The following ARL5B variants were observed in gnomAD, a reference collection of about 807,000 sequenced individuals.
The protein encoded by ARL5B is ADP-ribosylation factor-like protein 5B.
A neutral mutation model predicts 26.9 loss-of-function variants in ARL5B; 10 were observed. That is an observed-to-expected ratio of 0.37 (90% CI 0.23 to 0.63). ARL5B has a LOEUF of 0.63. ARL5B is among the 30% of genes least tolerant of loss of function. The pLI is 0.62. For missense variants in ARL5B, 167 were observed against 213.9 expected (o/e 0.78, Z 1.37); for synonymous variants, 87 against 70.4 (o/e 1.24, Z -1.18).
At chr10:18,672,209 T>C (rs549424497) in intron 3 of ARL5B, among the ~76,000 whole-genome samples, 227 of 152,358 alleles carry the variant, frequency 1.5e-3, no homozygotes, top group Middle Eastern at 6.8e-3. Flanking sequence ...GATTGTGGTA[T>C]ACACAAGTAA....
chr10:18,672,115 G>A (rs1169823339), intron 3 of ARL5B, among the ~76,000 whole-genome samples: 1 of 152,008 alleles, frequency 6.6e-6, no homozygotes, highest in East Asian at 1.9e-4. Flanking sequence ...CATTTATGGT[G>A]GATACTGTTT....
intron 1 of ARL5B, among the ~76,000 whole-genome samples, chr10:18,665,170 A>G (rs1163702619): frequency 2.6e-5 from 4 of 152,154 alleles, no homozygotes; most frequent in African/African-American, 9.7e-5. Context: ...ATACTTAAAG[A>G]TTAGCTTCAT....
intron 1 of ARL5B, among the ~76,000 whole-genome samples, chr10:18,663,458 C>T (rs892919427): frequency 1.8e-4 from 28 of 151,978 alleles, no homozygotes; most frequent in African/African-American, 6.8e-4. Flanking sequence ...ACACTGGTTG[C>T]CAATTGCGTA....
At chr10:18,672,779 G>C in intron 4 of ARL5B, 74 bp downstream of exon 4, 1 of 956,964 alleles carries the variant, frequency 1.0e-6, no homozygotes. Context: ...TTTTTGCAAA[G>C]ATTAATGTGA....
chr10:18,675,381 C>T lies in ARL5B; in HGVS notation c.*165C>T. The T allele has an allele frequency of 4.9e-6, 3 of 612,766 alleles. No individual in the cohort carries two copies. The highest frequency in any genetic ancestry group is 1.9e-5 in the African/African-American group (1 of 54,026). 38.0% of individuals were successfully genotyped at this position (612,766 alleles called of 1,614,324 possible). On this transcript the variant is annotated 3_prime_UTR_variant, in exon 6 of 6. Coordinates refer to ENST00000377275, the MANE Select transcript of ARL5B (RefSeq NM_178815.5). ...TGAACTGGAACATAAAAGATTTTTT[C>T]TTAACTTTTTTTTTTTAACACACTA... is the stretch of plus-strand genomic sequence containing the variant.
In ARL5B at chr10:18,679,023, A is replaced by C. The variant is rs562814467; in HGVS notation, c.*3807A>C. 6.6e-6 allele frequency: 1 copy of C among 151,912 alleles called. No individual in the cohort carries two copies. The highest frequency in any genetic ancestry group is 1.5e-5 in the Non-Finnish European group (1 of 67,816). The allele number at this position is 151,912 out of a possible 1,614,324, so 9.4% of individuals were successfully genotyped here. Reference sequence around the variant, plus strand: ...CTCAAATAGTAGGGCAATACAGGTAATATGAAATTAAATGTATTTTTATCC... The same window carrying C: ...CTCAAATAGTAGGGCAATACAGGTACTATGAAATTAAATGTATTTTTATCC... On this transcript the variant is annotated 3_prime_UTR_variant, in exon 6 of 6. Transcript: ENST00000377275.
chr10:18,680,065 T>G lies in ARL5B; in HGVS notation c.*4849T>G, dbSNP rs536452760. On this transcript the variant is annotated 3_prime_UTR_variant, in exon 6 of 6. Transcript: ENST00000377275. ...GGAAATGGAGAAATATGAAATGTGC[T>G]GTGCATAGCTTTTGGAATAGAAAAC... 8 of 152,122 alleles carry G rather than the reference T, an allele frequency of 5.3e-5. No homozygotes were observed. The highest frequency in any genetic ancestry group is 1.4e-4 in the African/African-American group (6 of 41,540). The allele number at this position is 152,122 out of a possible 1,614,324, so 9.4% of individuals were successfully genotyped here.
At chr10:18,663,505 A>G (rs1027185089) in intron 1 of ARL5B, among the ~76,000 whole-genome samples, 2 of 149,324 alleles carry the variant, frequency 1.3e-5, no homozygotes, top group Non-Finnish European at 3.0e-5. Flanking sequence ...CTCAGATCTC[A>G]GATCTTGTGG....
rs1007246864 is a variant in ARL5B at position 18,673,296 on chromosome 10, G to A, written c.339+591G>A. ...AGCCTGGCCTTGAATTCCTGATGTC[G>A]TTATCCGCCTGCCTCAGCCTCCCAA... On this transcript the variant is annotated intron_variant, in intron 4 of 5. Transcript: ENST00000377275. 5.9e-5 allele frequency among the ~76,000 whole-genome samples: 9 copies of A among 152,020 alleles called. No individual in the cohort carries two copies. The South Asian group carries it at 1.5e-3, about 25-fold the overall frequency.
At position 18,676,964 on chromosome 10, in the gene ARL5B, T is replaced by C. The variant is rs529534397; in HGVS notation, c.*1748T>C. ...AGAGGATAAGTGTAGTTTAACTTAGTTTTTAATATAACCCATAATCAAGAA... is the reference window on the plus strand; with the variant it reads ...AGAGGATAAGTGTAGTTTAACTTAGCTTTTAATATAACCCATAATCAAGAA... On this transcript the variant is annotated 3_prime_UTR_variant, in exon 6 of 6. Transcript: ENST00000377275. 1 of 152,484 alleles carries C rather than the reference T, an allele frequency of 6.6e-6. No homozygotes were observed. Among genetic ancestry groups the C allele is most frequent in the African/African-American group, 2.4e-5 (1 of 41,552 alleles). The allele number at this position is 152,484 out of a possible 1,614,324, so 9.4% of individuals were successfully genotyped here. A position where few individuals can be genotyped will look rare whatever the true frequency, so the allele number is the denominator to read the frequency against.
chr10:18,673,171 T>C (rs2059895592), intron 4 of ARL5B, among the ~76,000 whole-genome samples: 1 of 152,012 alleles, frequency 6.6e-6, no homozygotes. Flanking sequence ...CAAGCAGTTC[T>C]CTGCCTCAGC....
rs776906656 is a variant in ARL5B, at chr10:18,680,494, A to C, written c.*5278A>C. The C allele has an allele frequency of 6.6e-6, 1 of 152,036 alleles. No individual in the cohort carries two copies. Among genetic ancestry groups the C allele is most frequent in the Non-Finnish European group, 1.5e-5 (1 of 67,926 alleles). The allele number at this position is 152,036 out of a possible 1,614,324, so 9.4% of individuals were successfully genotyped here. A position where few individuals can be genotyped will look rare whatever the true frequency, so the allele number is the denominator to read the frequency against. On this transcript the variant is annotated 3_prime_UTR_variant, in exon 6 of 6. Transcript: ENST00000377275. The stretch of plus-strand genomic sequence containing the variant: ...AGTGTTGGTAAGATATCAAATGACT[A>C]TCAGTTGATCCCAGTCATCAGTGAC...
At chr10:18,665,648 T>C (rs1292942119) in intron 1 of ARL5B, among the ~76,000 whole-genome samples, 2 of 152,198 alleles carry the variant, frequency 1.3e-5, no homozygotes, top group African/African-American at 4.8e-5. Context: ...GATTCTGATA[T>C]GAGATGTGCC....
At chr10:18,669,603 C>A (rs889229629) in intron 3 of ARL5B, among the ~76,000 whole-genome samples, 2 of 151,962 alleles carry the variant, frequency 1.3e-5, no homozygotes, top group African/African-American at 4.8e-5. Context: ...AGAGATTTAT[C>A]CTTGATAGTA....
intron 2 of ARL5B, among the ~76,000 whole-genome samples, chr10:18,667,459 G>A (rs891231671): frequency 2.0e-5 from 3 of 152,112 alleles, no homozygotes; most frequent in Non-Finnish European, 4.4e-5. Context: ...GTGATTATGT[G>A]TTTAAATATG....
intron 3 of ARL5B, among the ~76,000 whole-genome samples, chr10:18,670,516 C>T (rs2059882271): frequency 1.3e-5 from 2 of 152,126 alleles, no homozygotes; most frequent in Admixed American, 6.6e-5. Context: ...GAGGCTGAGG[C>T]ATGAGAATCG....
chr10:18,680,096 T>C lies in ARL5B; in HGVS notation c.*4880T>C, dbSNP rs2059926246. The C allele has an allele frequency of 6.6e-6, 1 of 151,978 alleles. No individual in the cohort carries two copies. Among genetic ancestry groups the C allele is most frequent in the African/African-American group, 2.4e-5 (1 of 41,424 alleles). The allele number at this position is 151,978 out of a possible 1,614,324, so 9.4% of individuals were successfully genotyped here. A position where few individuals can be genotyped will look rare whatever the true frequency, so the allele number is the denominator to read the frequency against. Reference sequence around the variant, plus strand: ...TAGCTTTTGGAATAGAAAACAAAGTTTTAAAAGAATGGATATGTTTTCTTG... The same window carrying C: ...TAGCTTTTGGAATAGAAAACAAAGTCTTAAAAGAATGGATATGTTTTCTTG... On this transcript the variant is annotated 3_prime_UTR_variant, in exon 6 of 6. Transcript: ENST00000377275.
chr10:18,667,714 T>TAC (rs764073680), intron 2 of ARL5B, among the ~76,000 whole-genome samples: 413 of 149,288 alleles, frequency 2.8e-3, no homozygotes, highest in African/African-American at 7.9e-3. Context: ...TATATATATA[T>TAC]ACACACACAC....
intron 1 of ARL5B, 64 bp from the exon 2 acceptor site, chr10:18,666,511 T>C: frequency 7.6e-7 from 1 of 1,323,160 alleles, no homozygotes; most frequent in South Asian, 1.4e-5. Context: ...TAATCATTGT[T>C]GAAAGCATGT....
Sources: allele counts gnomAD v4.1 joint callset (sites outside exome capture counted in the v4.1 genomes callset), GRCh38; gene constraint gnomAD v4.1.1; transcripts MANE v1.5; gene names NCBI Gene and HGNC (gene_info 2026-07-23, HGNC 2026-07-21).